CEP162: variants seen among roughly 807,000 people sequenced by gnomAD.
The protein encoded by CEP162 is centrosomal protein of 162 kDa.
A neutral mutation model predicts 169.2 loss-of-function variants in CEP162; 141 were observed. The observed-to-expected ratio is 0.83, with a 90% CI of 0.73 to 0.96. CEP162 has a LOEUF of 0.96. Ranked by LOEUF, CEP162 falls within the 40% of genes least tolerant of loss-of-function variation. The pLI is 0.00. For missense variants in CEP162, 1,600 were observed against 1,587.2 expected (o/e 1.01, Z -0.14); for synonymous variants, 540 against 526.4 (o/e 1.03, Z -0.35).
At chr6:84,186,693 G>A (rs1476803767) in intron 11 of CEP162, 70 bp from the exon 12 acceptor site, 10 of 1,261,596 alleles carry the variant, frequency 7.9e-6, no homozygotes, top group African/African-American at 6.0e-5. Flanking sequence ...TAATAACCAC[G>A]TGTGTGTGTA....
At chr6:84,154,263 A>G (rs1302228311) in intron 22 of CEP162, among the ~76,000 whole-genome samples, 1 of 152,144 alleles carries the variant, frequency 6.6e-6, no homozygotes, top group African/African-American at 2.4e-5. Context: ...AACACTAATA[A>G]TAATTATAAT....
chr6:84,186,609 G>T lies in CEP162; in HGVS notation c.1124C>A (p.Ala375Asp), dbSNP rs367695470. 3.7e-6 allele frequency: 6 copies of T among 1,602,186 alleles called. No individual in the cohort carries two copies. Among genetic ancestry groups the T allele is most frequent in the Non-Finnish European group, 4.3e-6 (5 of 1,175,320 alleles). The change falls in exon 12 of 27, where the codon GCC becomes GAC. Residue 375 changes from alanine to aspartate, a missense_variant. Transcript: ENST00000403245. ...AAAAAATTCAGTTTCTTTTCTTTCGGCCACTTTCTCAGAGCTATAAAACAA... is the reference window on the plus strand; with the variant it reads ...AAAAAATTCAGTTTCTTTTCTTTCGTCCACTTTCTCAGAGCTATAAAACAA... ...DLQPVSSEKV[A>D]ERKETEFFSS...
chr6:84,219,078 G>T, intron 3 of CEP162: 1 of 784,220 alleles, frequency 1.3e-6, no homozygotes, highest in Non-Finnish European at 1.8e-6. Context: ...TGTAAAAGCC[G>T]CTCACTGTTA....
At chr6:84,167,749 T>C in intron 18 of CEP162, among the ~76,000 whole-genome samples, 1 of 152,226 alleles carries the variant, frequency 6.6e-6, no homozygotes, top group East Asian at 1.9e-4. Flanking sequence ...AGGTACCATT[T>C]ACATTGAACA....
At chr6:84,173,922 T>G in intron 16 of CEP162, 126 bp downstream of exon 16, 1 of 662,084 alleles carries the variant, frequency 1.5e-6, no homozygotes, top group Admixed American at 3.3e-5. Context: ...TGACCTCAGG[T>G]GATCCGCCCA....
intron 12 of CEP162, 27 bp from the exon 13 acceptor site, chr6:84,185,475 A>G (rs370449282): frequency 3.8e-6 from 6 of 1,573,720 alleles, no homozygotes; most frequent in Non-Finnish European, 5.2e-6. Context: ...AAAGCTCTTT[A>G]GTACCTAAAT....
rs955362311 is a variant in CEP162, at chr6:84,152,664, T to G, written c.3510A>C (p.Ser1170=). 1 of 1,610,818 alleles carries G rather than the reference T, an allele frequency of 6.2e-7. No individual in the cohort carries two copies. The highest frequency in any genetic ancestry group is 8.5e-7 in the Non-Finnish European group (1 of 1,178,390). Residue 1170 remains serine, a synonymous_variant, in exon 23 of 27, where the codon TCA becomes TCC. Coordinates refer to ENST00000403245, the MANE Select transcript of CEP162 (RefSeq NM_014895.4). ...QPHTFTDSHV[S]EVLQENYRLK... The stretch of plus-strand genomic sequence containing the variant: ...ATCTGTAGTTTTCTTGTAAAACTTC[T>G]GAAACATGGGAATCAGTGAAAGTAT...
At chr6:84,126,205 T>C (rs2099508871) in intron 26 of CEP162, among the ~76,000 whole-genome samples, 173 bp downstream of exon 26, 1 of 152,140 alleles carries the variant, frequency 6.6e-6, no homozygotes, top group South Asian at 2.1e-4. Context: ...GCACTTGAGA[T>C]ATAAAGTCTC....
intron 11 of CEP162, 136 bp from the exon 12 acceptor site, chr6:84,186,759 TTAAA>T: frequency 1.5e-6 from 1 of 688,764 alleles, no homozygotes. Flanking sequence ...GTTAATGATG[TTAAA>T]TACAGTATAA....
At position 84,201,836 on chromosome 6, in the gene CEP162, T is replaced by C. The variant is rs1211983502; in HGVS notation, c.688-69A>G. The stretch of plus-strand genomic sequence containing the variant: ...TTATGTAAAATTACCACAATGCAAA[T>C]AATAGCAAAATCTGAAATCCAGGGC... On this transcript the variant is annotated intron_variant, in intron 7 of 26. Transcript: ENST00000403245. 9.1e-6 allele frequency: 7 copies of C among 765,114 alleles called. No individual in the cohort carries two copies. In the Admixed American group the frequency reaches 1.8e-4, roughly 19 times the overall value. The allele number at this position is 765,114 out of a possible 1,614,324, so 47.4% of individuals were successfully genotyped here. A position where few individuals can be genotyped will look rare whatever the true frequency, so the allele number is the denominator to read the frequency against.
rs377765191 is a variant in CEP162, at chr6:84,125,173, C to T, written c.4109G>A (p.Arg1370His). 33 of 1,613,540 alleles carry T rather than the reference C, an allele frequency of 2.0e-5. No individual in the cohort carries two copies. Among genetic ancestry groups the T allele is most frequent in the Non-Finnish European group, 2.3e-5 (27 of 1,179,602 alleles). The part of the protein sequence containing the change: ...QLKNRELEKF[R>H]TELDSILDVL... ...ATCTAATATTGAGTCTAGTTCTGTGCGGAACTTCTCCAGCTCACGATTCTT... is the reference window on the plus strand; with the variant it reads ...ATCTAATATTGAGTCTAGTTCTGTGTGGAACTTCTCCAGCTCACGATTCTT... Residue 1370 changes from arginine (R) to histidine (H), a missense_variant, in exon 27 of 27, where the codon CGC becomes CAC. By Grantham distance (29) the Arg-to-His change is conservative. Transcript: ENST00000403245.
intron 6 of CEP162, among the ~76,000 whole-genome samples, chr6:84,212,517 T>TTCG (rs1184124174): frequency 7.9e-5 from 12 of 150,966 alleles, no homozygotes; most frequent in Non-Finnish European, 4.4e-5. Context: ...ATAGGGCAAC[T>TTCG]AAGAAAAAAA....
chr6:84,198,965 T>C (rs1007119754), intron 9 of CEP162, among the ~76,000 whole-genome samples: 1 of 152,202 alleles, frequency 6.6e-6, no homozygotes, highest in African/African-American at 2.4e-5. Flanking sequence ...CTGAAGACAT[T>C]ATGTAATTAT....
intron 11 of CEP162, among the ~76,000 whole-genome samples, chr6:84,192,241 A>G (rs1404117884): frequency 6.6e-6 from 1 of 152,250 alleles, no homozygotes; most frequent in Non-Finnish European, 1.5e-5. Context: ...ACTAAAGATC[A>G]TATTACTGAC....
At chr6:84,154,389 T>TTA (rs1360748481) in intron 22 of CEP162, among the ~76,000 whole-genome samples, 1 of 152,116 alleles carries the variant, frequency 6.6e-6, no homozygotes, top group Non-Finnish European at 1.5e-5. Flanking sequence ...CCTATCTATC[T>TTA]ATCTATCTAT....
intron 21 of CEP162, among the ~76,000 whole-genome samples, chr6:84,159,122 C>T (rs1452147188): frequency 6.6e-6 from 1 of 150,766 alleles, no homozygotes; most frequent in Non-Finnish European, 1.5e-5. Flanking sequence ...TTGTGATATA[C>T]CTTGATTAAA....
intron 25 of CEP162, among the ~76,000 whole-genome samples, chr6:84,141,348 TGTCAA>T (rs2099516545): frequency 6.6e-6 from 1 of 152,040 alleles, no homozygotes; most frequent in Non-Finnish European, 1.5e-5. Flanking sequence ...CATAAAAGAG[TGTCAA>T]GTCTAGTCTA....
rs763931659 is a variant in CEP162, at chr6:84,163,268, T to G, written c.2388A>C (p.Lys796Asn). Reference protein sequence around the residue: ...DLLAELRMAQKEKDSLLEDIK... With the variant: ...DLLAELRMAQNEKDSLLEDIK... ...TGTCTTCCAATAAACTGTCTTTTTC[T>G]TTCTTGATATTCAAAAGAAATATAA... The change falls in exon 19 of 27, where the codon AAA (lysine) becomes AAC (asparagine). Residue 796 changes from lysine (K) to asparagine (N), a missense_variant and splice_region_variant. Lys to Asn is a moderately conservative substitution (Grantham distance 94). Transcript: ENST00000403245. The G allele has an allele frequency of 6.2e-7, 1 of 1,600,226 alleles. No homozygotes were observed. The highest frequency in any genetic ancestry group is 8.5e-7 in the Non-Finnish European group (1 of 1,170,992).
intron 8 of CEP162, among the ~76,000 whole-genome samples, chr6:84,201,437 G>C (rs2099544461): frequency 6.6e-6 from 1 of 151,920 alleles, no homozygotes; most frequent in South Asian, 2.1e-4. Context: ...TAACAAATAT[G>C]ATCTTCTTCC....
Sources: gnomAD v4.1 joint callset for allele counts (sites outside exome capture counted in the v4.1 genomes callset) on GRCh38, gnomAD v4.1.1 for gene constraint, MANE v1.5 for transcripts, NCBI Gene and HGNC (gene_info 2026-07-23, HGNC 2026-07-21) for gene names.